Variants in CACNA2D1 observed in about 807,000 individuals in gnomAD.
CACNA2D1 encodes voltage-dependent calcium channel subunit alpha-2/delta-1.
In CACNA2D1, 53 loss-of-function variants were observed where a neutral mutation model predicts 171.5. The observed-to-expected ratio is 0.31, with a 90% CI of 0.25 to 0.39. The LOEUF is 0.39. Among genes scored for constraint, CACNA2D1 ranks in the 10% least tolerant of loss-of-function variants. The pLI, the probability that CACNA2D1 is intolerant of heterozygous loss-of-function variation, is 1.00. For missense variants in CACNA2D1, 903 were observed against 1,299.8 expected (o/e 0.69, Z 4.69); for synonymous variants, 442 against 443.1 (o/e 1.00, Z 0.03).
intron 7 of CACNA2D1, among the ~76,000 whole-genome samples, chr7:82,081,901 G>A (rs1015153349): frequency 2.0e-5 from 3 of 150,098 alleles, no homozygotes; most frequent in African/African-American, 7.6e-5. Flanking sequence ...GCCATTCCAA[G>A]TGCTGGCACA....
At chr7:82,435,030 C>CTTTTTTTT (rs764179836) in intron 1 of CACNA2D1, among the ~76,000 whole-genome samples, 4 of 84,358 alleles carry the variant, frequency 4.7e-5, no homozygotes, top group African/African-American at 4.7e-5. Flanking sequence ...TCTTCAGATA[C>CTTTTTTTT]TTTTTTTTTT....
chr7:81,955,724 G>A (rs1428255500), intron 38 of CACNA2D1, among the ~76,000 whole-genome samples: 1 of 151,658 alleles, frequency 6.6e-6, no homozygotes, highest in Non-Finnish European at 1.5e-5. Context: ...AATCAAAGAA[G>A]TAAAGCAAGT....
chr7:82,135,369 G>A (rs1372401480), intron 5 of CACNA2D1, among the ~76,000 whole-genome samples: 1 of 151,922 alleles, frequency 6.6e-6, no homozygotes, highest in Admixed American at 6.6e-5. Context: ...AAAACATTTT[G>A]TTTTAGTTGA....
chr7:82,235,543 C>A (rs1435047144), intron 3 of CACNA2D1, among the ~76,000 whole-genome samples: 1 of 151,958 alleles, frequency 6.6e-6, no homozygotes, highest in Non-Finnish European at 1.5e-5. Flanking sequence ...TTTTGTTATA[C>A]CAAGGAAGCA....
At chr7:82,432,844 A>G (rs758321139) in intron 1 of CACNA2D1, among the ~76,000 whole-genome samples, 2 of 152,180 alleles carry the variant, frequency 1.3e-5, no homozygotes, top group Non-Finnish European at 2.9e-5. Context: ...TTCTTTTTCA[A>G]TGATATTACT....
rs116042835 is a variant in CACNA2D1 at position 82,187,017 on chromosome 7, T to C, written c.295-16408A>G. ...ACTCTAGATCTCTAAACTTCTTTTT[T>C]CCTTCCATAATGCTTGATCCATTTT... On this transcript the variant is annotated intron_variant, in intron 3 of 38. Transcript: ENST00000356860. 2.0e-5 allele frequency among the ~76,000 whole-genome samples: 3 copies of C among 152,222 alleles called. No homozygotes were observed. The South Asian group carries it at 6.2e-4, about 31-fold the overall frequency.
At chr7:81,957,810 T>C (rs1456111948) in intron 38 of CACNA2D1, among the ~76,000 whole-genome samples, 1 of 152,130 alleles carries the variant, frequency 6.6e-6, no homozygotes, top group African/African-American at 2.4e-5. Context: ...GCTGAACATT[T>C]TTGTCTTGGT....
At chr7:81,976,747 G>C (rs1795894724) in intron 24 of CACNA2D1, among the ~76,000 whole-genome samples, 1 of 152,160 alleles carries the variant, frequency 6.6e-6, no homozygotes, top group African/African-American at 2.4e-5. Flanking sequence ...CCAGCTACTT[G>C]GGAGGCTGAG....
At chr7:82,388,818 C>T (rs1326431975) in intron 1 of CACNA2D1, among the ~76,000 whole-genome samples, 11 of 152,026 alleles carry the variant, frequency 7.2e-5, no homozygotes, top group African/African-American at 1.2e-4. Flanking sequence ...GCAATTAAAA[C>T]ACATATATTA....
At chr7:82,097,279 A>T (rs908626940) in intron 6 of CACNA2D1, among the ~76,000 whole-genome samples, 1 of 152,208 alleles carries the variant, frequency 6.6e-6, no homozygotes, top group African/African-American at 2.4e-5. Flanking sequence ...AAGTTAAAAT[A>T]ATTATTCTGA....
rs1331071243 is a variant in CACNA2D1, at chr7:82,032,773, T to C, written c.1143+24A>G. On this transcript the variant is annotated intron_variant, in intron 12 of 38. Transcript: ENST00000356860. ...AACCACCTAGATCATTATTAAAATTTAAATATTATAAAATTACACTCACTT... is the reference window on the plus strand; with the variant it reads ...AACCACCTAGATCATTATTAAAATTCAAATATTATAAAATTACACTCACTT... 4 of 1,279,216 alleles carry C rather than the reference T, an allele frequency of 3.1e-6. No individual in the cohort carries two copies. The South Asian group carries it at 5.0e-5, about 16-fold the overall frequency. The allele number at this position is 1,279,216 out of a possible 1,614,324, so 79.2% of individuals were successfully genotyped here.
At chr7:81,958,258 A>G (rs1173214608) in intron 38 of CACNA2D1, among the ~76,000 whole-genome samples, 2 of 152,134 alleles carry the variant, frequency 1.3e-5, no homozygotes, top group Admixed American at 6.6e-5. Context: ...TTTAATTTAT[A>G]TTATCTAATT....
chr7:81,969,043 T>C (rs755855474), intron 28 of CACNA2D1, 70 bp from the exon 29 acceptor site: 16 of 889,386 alleles, frequency 1.8e-5, no homozygotes, highest in Non-Finnish European at 2.7e-5. Context: ...TTTCCGTCAT[T>C]AGATACAAAT....
intron 3 of CACNA2D1, among the ~76,000 whole-genome samples, chr7:82,259,030 T>C (rs1806720760): frequency 6.6e-6 from 1 of 152,180 alleles, no homozygotes; most frequent in Admixed American, 6.5e-5. Flanking sequence ...AGTTTCGCCA[T>C]GTTGGCCAGG....
intron 1 of CACNA2D1, among the ~76,000 whole-genome samples, chr7:82,385,790 G>A (rs543972855): frequency 6.6e-6 from 1 of 151,898 alleles, no homozygotes; most frequent in East Asian, 1.9e-4. Context: ...TCAGCCTCCC[G>A]AATAACTGGG....
At chr7:82,224,067 A>T (rs1001949499) in intron 3 of CACNA2D1, among the ~76,000 whole-genome samples, 1 of 152,078 alleles carries the variant, frequency 6.6e-6, no homozygotes, top group Non-Finnish European at 1.5e-5. Context: ...CTCTGCTCAC[A>T]TACTTCTTTA....
At chr7:82,142,347 T>A (rs1057460985) in intron 4 of CACNA2D1, among the ~76,000 whole-genome samples, 4 of 152,188 alleles carry the variant, frequency 2.6e-5, no homozygotes, top group Admixed American at 2.6e-4. Flanking sequence ...AGTCCCACAT[T>A]GTCTCTTGGG....
At chr7:82,258,450 T>A (rs977354819) in intron 3 of CACNA2D1, among the ~76,000 whole-genome samples, 1 of 152,162 alleles carries the variant, frequency 6.6e-6, no homozygotes, top group East Asian at 1.9e-4. Flanking sequence ...TCTTGAGTAT[T>A]CCTGGCAGGT....
chr7:82,314,164 G>A (rs1468538871), intron 3 of CACNA2D1, among the ~76,000 whole-genome samples: 2 of 152,106 alleles, frequency 1.3e-5, no homozygotes, highest in Non-Finnish European at 2.9e-5. Context: ...GGTTGCTAGG[G>A]TAGATAAGTA....
Sources: gnomAD v4.1 joint callset for allele counts (sites outside exome capture counted in the v4.1 genomes callset) on GRCh38, gnomAD v4.1.1 for gene constraint, MANE v1.5 for transcripts, NCBI Gene and HGNC (gene_info 2026-07-23, HGNC 2026-07-21) for gene names.